SNTG1: variants seen among roughly 807,000 people sequenced by gnomAD.
The protein encoded by SNTG1 is syntrophin gamma 1.
In SNTG1, 39 loss-of-function variants were observed where a neutral mutation model predicts 74.7. That is an observed-to-expected ratio of 0.52 (90% confidence interval 0.40 to 0.68). SNTG1 has a LOEUF of 0.68. SNTG1 is among the 30% of genes least tolerant of loss of function. The pLI is 0.00. For missense variants in SNTG1, 685 were observed against 609.5 expected, an observed-to-expected ratio of 1.12 and a Z score of -1.30; for synonymous variants, 254 against 217.1, an observed-to-expected ratio of 1.17 and a Z score of -1.49.
chr8:49,913,074 C>T (rs1326372098), intron 1 of SNTG1, among the ~76,000 whole-genome samples: 1 of 152,180 alleles, frequency 6.6e-6, no homozygotes, highest in South Asian at 2.1e-4. Flanking sequence ...TTCACAGTGA[C>T]CTTGATAAGC....
intron 1 of SNTG1, among the ~76,000 whole-genome samples, chr8:49,912,678 G>A (rs527610980): frequency 2.8e-4 from 43 of 152,080 alleles, no homozygotes; most frequent in Non-Finnish European, 4.7e-4. Flanking sequence ...CTATGCATGG[G>A]AACAAATACA....
intron 1 of SNTG1, among the ~76,000 whole-genome samples, chr8:50,167,859 T>C (rs2131632493): frequency 6.6e-6 from 1 of 150,906 alleles, no homozygotes; most frequent in South Asian, 2.1e-4. Flanking sequence ...ATAAAGTAAA[T>C]TTGTTTCACT....
intron 2 of SNTG1, among the ~76,000 whole-genome samples, chr8:50,385,969 T>A (rs1163089180): frequency 6.6e-6 from 1 of 152,204 alleles, no homozygotes; most frequent in Non-Finnish European, 1.5e-5. Context: ...TTTTGAGTCC[T>A]CGATGATAGT....
intron 4 of SNTG1, among the ~76,000 whole-genome samples, chr8:50,412,318 A>G (rs1016086536): frequency 6.6e-6 from 1 of 151,886 alleles, no homozygotes; most frequent in East Asian, 1.9e-4. Flanking sequence ...TTTTGTACCT[A>G]TTTGTCTTTC....
intron 17 of SNTG1, among the ~76,000 whole-genome samples, chr8:50,743,133 T>C (rs2095547354): frequency 6.7e-6 from 1 of 150,080 alleles, no homozygotes; most frequent in Non-Finnish European, 1.5e-5. Context: ...GGAGTGGGAA[T>C]GCTTTGTAAG....
chr8:50,382,736 G>A (rs1274714983), intron 2 of SNTG1, among the ~76,000 whole-genome samples: 1 of 152,116 alleles, frequency 6.6e-6, no homozygotes, highest in Non-Finnish European at 1.5e-5. Flanking sequence ...ATACACAACT[G>A]TATCAGTCAG....
At chr8:50,319,731 T>C (rs1587110886) in intron 2 of SNTG1, among the ~76,000 whole-genome samples, 4 of 152,322 alleles carry the variant, frequency 2.6e-5, no homozygotes, top group Non-Finnish European at 5.9e-5. Flanking sequence ...CTTTATTATG[T>C]TGAAGTATGT....
At chr8:50,403,119 A>G (rs1250453612) in intron 4 of SNTG1, among the ~76,000 whole-genome samples, 1 of 152,230 alleles carries the variant, frequency 6.6e-6, no homozygotes, top group African/African-American at 2.4e-5. Context: ...GCCGTATGTG[A>G]TCTCAGAAGA....
chr8:50,098,879 A>T (rs1234756655), intron 1 of SNTG1, among the ~76,000 whole-genome samples: 1 of 152,248 alleles, frequency 6.6e-6, no homozygotes, highest in East Asian at 1.9e-4. Flanking sequence ...TAACCTAGCA[A>T]AGAAGACAGG....
chr8:50,781,683 T>G (rs2095659954), intron 18 of SNTG1, among the ~76,000 whole-genome samples: 1 of 152,198 alleles, frequency 6.6e-6, no homozygotes, highest in Admixed American at 6.5e-5. Flanking sequence ...GTCTTTTAAT[T>G]GGAGCATTTA....
In SNTG1 at chr8:50,049,631, A is replaced by G. The variant is rs1177649821; in HGVS notation, c.-102-122930A>G. Among the ~76,000 whole-genome samples the G allele has an allele frequency of 3.9e-5, 6 of 152,250 alleles. No individual in the cohort carries two copies. In the East Asian group the frequency reaches 9.7e-4, roughly 25 times the overall value. On this transcript the variant is annotated intron_variant, in intron 1 of 18. Transcript: ENST00000642720. ...CATAGTGGAACTAAGCAGCACCTCA[A>G]TCAACTAAATCTAGTTGGCACATAT...
At chr8:50,585,686 TTA>T (rs1373076223) in intron 12 of SNTG1, among the ~76,000 whole-genome samples, 1 of 152,050 alleles carries the variant, frequency 6.6e-6, no homozygotes, top group African/African-American at 2.4e-5. Context: ...CTAAAAATAT[TTA>T]TTTTTTAATA....
intron 11 of SNTG1, among the ~76,000 whole-genome samples, chr8:50,538,346 A>G (rs1256488935): frequency 1.3e-5 from 2 of 152,270 alleles, no homozygotes; most frequent in South Asian, 2.1e-4. Context: ...AAGTATACCC[A>G]TCAATGATCT....
At chr8:50,609,794 C>A (rs190354546) in intron 13 of SNTG1, among the ~76,000 whole-genome samples, 1 of 151,928 alleles carries the variant, frequency 6.6e-6, no homozygotes, top group Non-Finnish European at 1.5e-5. Flanking sequence ...TTTTTCCTGG[C>A]TGTTTTCTAT....
At chr8:50,172,285 T>C (rs541209718) in intron 1 of SNTG1, among the ~76,000 whole-genome samples, 9 of 152,330 alleles carry the variant, frequency 5.9e-5, no homozygotes, top group Admixed American at 3.9e-4. Flanking sequence ...TGGTACTCCT[T>C]TTGAAGTCAA....
intron 13 of SNTG1, among the ~76,000 whole-genome samples, chr8:50,647,008 G>T (rs900356486): frequency 6.6e-6 from 1 of 152,094 alleles, no homozygotes; most frequent in African/African-American, 2.4e-5. Context: ...ACATCCACAT[G>T]AGGAATAAAA....
intron 1 of SNTG1, among the ~76,000 whole-genome samples, chr8:50,143,676 C>T (rs1389149910): frequency 1.3e-5 from 2 of 152,136 alleles, no homozygotes; most frequent in African/African-American, 2.4e-5. Flanking sequence ...TTAGAAAGAA[C>T]CAATATGTTA....
At chr8:50,349,052 C>G (rs1298373668) in intron 2 of SNTG1, among the ~76,000 whole-genome samples, 1 of 152,266 alleles carries the variant, frequency 6.6e-6, no homozygotes, top group South Asian at 2.1e-4. Flanking sequence ...TATGAAGAAT[C>G]CCCAACATTA....
At chr8:50,040,240 G>T (rs1427942952) in intron 1 of SNTG1, among the ~76,000 whole-genome samples, 1 of 151,952 alleles carries the variant, frequency 6.6e-6, no homozygotes, top group South Asian at 2.1e-4. Context: ...TTTGCTTCAG[G>T]TAGAAATATT....
Sources: allele counts gnomAD v4.1 joint callset (sites outside exome capture counted in the v4.1 genomes callset), GRCh38; gene constraint gnomAD v4.1.1; transcripts MANE v1.5; gene names NCBI Gene and HGNC (gene_info 2026-07-23, HGNC 2026-07-21).